Variants in CTBS observed in about 807,000 individuals in gnomAD.
CTBS encodes chitobiase, also known as di-N-acetylchitobiase.
A neutral mutation model predicts 44.3 loss-of-function variants in CTBS; 35 were observed. That is an observed-to-expected ratio of 0.79 (90% confidence interval 0.60 to 1.05). The LOEUF (loss-of-function observed/expected upper bound fraction) is 1.05. Among genes scored for constraint, CTBS ranks in the 50% least tolerant of loss-of-function variants. The probability of loss-of-function intolerance (pLI) is 0.00; values close to 1 mark genes in which losing one functional copy is unlikely to be tolerated. For missense variants in CTBS, 458 were observed against 475.3 expected, an observed-to-expected ratio of 0.96 and a Z score of 0.34; for synonymous variants, 143 against 168.0, an observed-to-expected ratio of 0.85 and a Z score of 1.15.
chr1:84,562,069 G>C (rs1684606156), intron 6 of CTBS, among the ~76,000 whole-genome samples: 2 of 152,112 alleles, frequency 1.3e-5, no homozygotes. Flanking sequence ...AGAACTGCAT[G>C]TTTCTAAGAA....
At chr1:84,565,038 C>T (rs1223802626) in intron 4 of CTBS, among the ~76,000 whole-genome samples, 1 of 150,664 alleles carries the variant, frequency 6.6e-6, no homozygotes, top group Admixed American at 6.6e-5. Context: ...GACTCTGTCT[C>T]AGAAAAAGAA....
chr1:84,567,337 T>C (rs1305859171), intron 3 of CTBS, among the ~76,000 whole-genome samples: 2 of 152,208 alleles, frequency 1.3e-5, no homozygotes, highest in African/African-American at 2.4e-5. Flanking sequence ...ATTATAGTAA[T>C]AGAGAAAAAT....
In CTBS at chr1:84,574,435, C is replaced by A. The variant is rs767568131; in HGVS notation, c.-20G>T. 1 of 1,494,224 alleles carries A rather than the reference C, an allele frequency of 6.7e-7. No individual in the cohort carries two copies. The highest frequency in any genetic ancestry group is 8.9e-7 in the Non-Finnish European group (1 of 1,123,074). 92.6% of individuals were successfully genotyped at this position (1,494,224 alleles called of 1,614,324 possible). A position where few individuals can be genotyped will look rare whatever the true frequency, so the allele number is the denominator to read the frequency against. On this transcript the variant is annotated 5_prime_UTR_variant, in exon 1 of 7. Coordinates refer to ENST00000370630, the MANE Select transcript of CTBS (RefSeq NM_004388.3). ...GGACATAGCAGCAGGTCTAGCGGGCCGGAGTGGGTTCCTACCGCCTGGGTG... is the reference window on the plus strand; with the variant it reads ...GGACATAGCAGCAGGTCTAGCGGGCAGGAGTGGGTTCCTACCGCCTGGGTG...
At chr1:84,569,336 G>T (rs928025382) in intron 3 of CTBS, among the ~76,000 whole-genome samples, 3 of 152,166 alleles carry the variant, frequency 2.0e-5, no homozygotes, top group East Asian at 3.8e-4. Context: ...AAGACCTATG[G>T]TTATCTTGAT....
Position 84,570,616 on chromosome 1 carries a change from G to A in CTBS, c.282C>T (p.Tyr94=), listed in dbSNP as rs369045608. 2.5e-4 allele frequency: 398 copies of A among 1,613,380 alleles called. No individual in the cohort carries two copies. Among genetic ancestry groups the A allele is most frequent in the Non-Finnish European group, 3.1e-4 (364 of 1,179,550 alleles). ...FGKYDSELMC[Y]AHSKGARVVL... The stretch of plus-strand genomic sequence containing the variant: ...CTACTCTGGCTCCTTTTGAATGAGC[G>A]TAGCACATAAGTTCTGAGTCATATT... Residue 94 remains tyrosine, a synonymous_variant, in exon 2 of 7, where the codon TAC becomes TAT. Coordinates refer to ENST00000370630, the MANE Select transcript of CTBS (RefSeq NM_004388.3).
In CTBS at chr1:84,553,748, T is replaced by G. The variant is rs1292140492; in HGVS notation, c.*1251A>C. The G allele has an allele frequency of 2.0e-5, 3 of 152,130 alleles. No homozygotes were observed. The highest frequency in any genetic ancestry group is 7.2e-5 in the African/African-American group (3 of 41,436). 9.4% of individuals were successfully genotyped at this position (152,130 alleles called of 1,614,324 possible). On this transcript the variant is annotated 3_prime_UTR_variant, in exon 7 of 7. Transcript: ENST00000370630. ...AATGTAATATTCTCATAACAGATGGTTCAATCATCATGTATTCCAATTTAC... is the reference window on the plus strand; with the variant it reads ...AATGTAATATTCTCATAACAGATGGGTCAATCATCATGTATTCCAATTTAC...
chr1:84,573,606 G>C (rs75853758), intron 1 of CTBS, among the ~76,000 whole-genome samples: 1,822 of 152,326 alleles, frequency 0.012, 41 homozygotes, highest in African/African-American at 0.04. Context: ...GGACCTTCCT[G>C]ATGTCATCCA....
chr1:84,555,330 A>G, intron 6 of CTBS, 131 bp from the exon 7 acceptor site: 1 of 621,188 alleles, frequency 1.6e-6, no homozygotes, highest in South Asian at 3.0e-5. Flanking sequence ...TTATTCAAAA[A>G]GGATACAATG....
At chr1:84,557,308 G>C (rs1684463842) in intron 6 of CTBS, among the ~76,000 whole-genome samples, 1 of 151,986 alleles carries the variant, frequency 6.6e-6, no homozygotes, top group Non-Finnish European at 1.5e-5. Context: ...CAAGATGGGT[G>C]AATCACCTGA....
chr1:84,573,914 A>G lies in CTBS; in HGVS notation c.177+325T>C. 4 of 1,234,834 alleles carry G rather than the reference A, an allele frequency of 3.2e-6. No homozygotes were observed. In the South Asian group the frequency reaches 8.8e-5, roughly 27 times the overall value. The allele number at this position is 1,234,834 out of a possible 1,614,324, so 76.5% of individuals were successfully genotyped here. A position where few individuals can be genotyped will look rare whatever the true frequency, so the allele number is the denominator to read the frequency against. ...CTTGGAAACATAAATGGATTATCCT[A>G]CCTTGTTTGCTTTTTACACCCAGAG... is the stretch of plus-strand genomic sequence containing the variant. On this transcript the variant is annotated intron_variant, in intron 1 of 6. Coordinates refer to ENST00000370630, the MANE Select transcript of CTBS (RefSeq NM_004388.3).
rs772631953 is a variant in CTBS, at chr1:84,574,382, C to A, written c.34G>T (p.Val12Phe). ...SRPQLRRWRL[V>F]SSPPSGVPGL... is the part of the protein sequence containing the mutation. Reference sequence around the variant, plus strand: ...GGGACGCCGCTCGGCGGGCTAGAGACGAGGCGCCAGCGTCGAAGCTGCGGC... The same window carrying A: ...GGGACGCCGCTCGGCGGGCTAGAGAAGAGGCGCCAGCGTCGAAGCTGCGGC... Residue 12 changes from valine to phenylalanine, a missense_variant, in exon 1 of 7, where the codon GTC becomes TTC. Val to Phe is a conservative substitution (Grantham distance 50). Coordinates refer to ENST00000370630, the MANE Select transcript of CTBS (RefSeq NM_004388.3). 11 of 1,562,966 alleles carry A rather than the reference C, an allele frequency of 7.0e-6. No individual in the cohort carries two copies. In the East Asian group the frequency reaches 7.1e-5, roughly 10 times the overall value.
At chr1:84,557,057 G>A (rs1341792647) in intron 6 of CTBS, among the ~76,000 whole-genome samples, 2 of 149,834 alleles carry the variant, frequency 1.3e-5, no homozygotes, top group African/African-American at 5.1e-5. Context: ...TCTCAAAATT[G>A]TAAAGGAACA....
intron 4 of CTBS, 118 bp from the exon 5 acceptor site, chr1:84,563,950 T>G (rs1684642131): frequency 1.8e-6 from 2 of 1,100,274 alleles, no homozygotes; most frequent in African/African-American, 3.2e-5. Context: ...TAAAAAACAC[T>G]AATATTGTTT....
rs1328296672 is a variant in CTBS at position 84,554,040 on chromosome 1, G to A, written c.*959C>T. 2.0e-5 allele frequency: 3 copies of A among 152,148 alleles called. No individual in the cohort carries two copies. Among genetic ancestry groups the A allele is most frequent in the African/African-American group, 7.2e-5 (3 of 41,434 alleles). The allele number at this position is 152,148 out of a possible 1,614,324, so 9.4% of individuals were successfully genotyped here. Reference sequence around the variant, plus strand: ...GCCTGTAATCCCAGCTCTTTAGGAAGCCAAGGCAGGAGGAGTGCTTGAGCC... The same window carrying A: ...GCCTGTAATCCCAGCTCTTTAGGAAACCAAGGCAGGAGGAGTGCTTGAGCC... On this transcript the variant is annotated 3_prime_UTR_variant, in exon 7 of 7. Coordinates refer to ENST00000370630, the MANE Select transcript of CTBS (RefSeq NM_004388.3).
chr1:84,558,854 T>A (rs1194117438), intron 6 of CTBS, among the ~76,000 whole-genome samples: 2 of 152,124 alleles, frequency 1.3e-5, no homozygotes, highest in East Asian at 3.9e-4. Flanking sequence ...TGAGCCATGA[T>A]TGTGCCACTG....
At chr1:84,562,760 T>C (rs1027938703) in intron 6 of CTBS, among the ~76,000 whole-genome samples, 1 of 152,202 alleles carries the variant, frequency 6.6e-6, no homozygotes. Context: ...AGTTTTGACA[T>C]TGCTTTATAA....
At chr1:84,573,882 C>A in intron 1 of CTBS, 1 of 1,120,548 alleles carries the variant, frequency 8.9e-7, no homozygotes, top group Non-Finnish European at 1.1e-6. Context: ...AAACGAAATC[C>A]TCGTTCCTTG....
Position 84,555,169 on chromosome 1 carries a change from A to T in CTBS, c.988T>A (p.Tyr330Asn). 6.2e-7 allele frequency: 1 copy of T among 1,613,832 alleles called. No homozygotes were observed. Among genetic ancestry groups the T allele is most frequent in the Non-Finnish European group, 8.5e-7 (1 of 1,179,818 alleles). Residue 330 changes from tyrosine (Y) to asparagine (N), a missense_variant, in exon 7 of 7, where the codon TAT becomes AAT. Coordinates refer to ENST00000370630, the MANE Select transcript of CTBS (RefSeq NM_004388.3). ...AAAGAAATACTCTGAGGGTTATCAT[A>T]CCATACTTGATGAAAGTGGCCAGCA... ...DPAGHFHQVW[Y>N]DNPQSISLKA... is the part of the protein sequence containing the mutation.
chr1:84,557,626 T>C (rs1391412592), intron 6 of CTBS, among the ~76,000 whole-genome samples: 1 of 146,470 alleles, frequency 6.8e-6, no homozygotes, highest in Non-Finnish European at 1.5e-5. Flanking sequence ...GAGGCCGAGA[T>C]GGGCAGATCA....
Sources: gnomAD v4.1 joint callset for allele counts (sites outside exome capture counted in the v4.1 genomes callset) on GRCh38, gnomAD v4.1.1 for gene constraint, MANE v1.5 for transcripts, NCBI Gene and HGNC (gene_info 2026-07-23, HGNC 2026-07-21) for gene names.